RPS6KA5: variants seen among roughly 807,000 people sequenced by gnomAD.
RPS6KA5 encodes ribosomal protein S6 kinase alpha-5.
A neutral mutation model predicts 85.5 loss-of-function variants in RPS6KA5; 27 were observed. That is an observed-to-expected ratio of 0.32 (90% confidence interval 0.23 to 0.44). The LOEUF is 0.44. Ranked by LOEUF, RPS6KA5 falls within the 20% of genes least tolerant of loss-of-function variation. The pLI, the probability that RPS6KA5 is intolerant of heterozygous loss-of-function variation, is 1.00. For missense variants in RPS6KA5, 811 were observed against 980.9 expected (o/e 0.83, Z 2.31); for synonymous variants, 334 against 348.2 (o/e 0.96, Z 0.46).
At chr14:91,005,724 A>G (rs2040989887) in intron 1 of RPS6KA5, among the ~76,000 whole-genome samples, 1 of 152,262 alleles carries the variant, frequency 6.6e-6, no homozygotes, top group East Asian at 1.9e-4. Flanking sequence ...AAGTCTAAAA[A>G]TAAATCACAT....
rs115966932 is a variant in RPS6KA5 at position 90,987,744 on chromosome 14, G to A, written c.176-9220C>T. Among the ~76,000 whole-genome samples, 628 of 152,102 alleles carry A rather than the reference G, an allele frequency of 4.1e-3. 2 individuals carry two copies. The highest frequency in any genetic ancestry group is 0.015 in the African/African-American group (605 of 41,494). ...ACAACAACAAAGGATATCCACATAA[G>A]GAAAAAGTGAACTTCTTAAAGAGGA... On this transcript the variant is annotated intron_variant, in intron 2 of 16. Coordinates refer to ENST00000614987, the MANE Select transcript of RPS6KA5 (RefSeq NM_004755.4).
chr14:90,911,763 T>A (rs1739229078), intron 7 of RPS6KA5, among the ~76,000 whole-genome samples: 1 of 152,124 alleles, frequency 6.6e-6, no homozygotes, highest in South Asian at 2.1e-4. Context: ...ATTATACAAG[T>A]AAAAAAGAAT....
At chr14:90,931,597 A>G (rs1009633861) in intron 5 of RPS6KA5, among the ~76,000 whole-genome samples, 1 of 152,198 alleles carries the variant, frequency 6.6e-6, no homozygotes, top group Non-Finnish European at 1.5e-5. Context: ...ATTGGATATT[A>G]AAATGTTAAA....
At chr14:91,021,428 C>A (rs1467099168) in intron 1 of RPS6KA5, among the ~76,000 whole-genome samples, 1 of 152,042 alleles carries the variant, frequency 6.6e-6, no homozygotes, top group Non-Finnish European at 1.5e-5. Context: ...ATTGCTTGAG[C>A]CCAGGAGTTC....
chr14:90,942,149 G>C (rs906176373), intron 5 of RPS6KA5, among the ~76,000 whole-genome samples: 1 of 152,080 alleles, frequency 6.6e-6, no homozygotes, highest in Non-Finnish European at 1.5e-5. Flanking sequence ...AATGAATATA[G>C]ATGCGATTAA....
intron 6 of RPS6KA5, 125 bp from the exon 7 acceptor site, chr14:90,920,434 T>C: frequency 1.5e-6 from 1 of 652,914 alleles, no homozygotes; most frequent in Non-Finnish European, 2.7e-6. Context: ...CACCTCCTTC[T>C]ATGTAAGGAG....
intron 13 of RPS6KA5, among the ~76,000 whole-genome samples, chr14:90,892,293 C>T (rs956123515): frequency 2.6e-5 from 4 of 152,104 alleles, no homozygotes; most frequent in South Asian, 2.1e-4. Flanking sequence ...TGAGCCACTG[C>T]GCTCGGCCAG....
intron 3 of RPS6KA5, among the ~76,000 whole-genome samples, chr14:90,976,868 G>T (rs977857449): frequency 6.6e-6 from 1 of 152,010 alleles, no homozygotes; most frequent in Admixed American, 6.6e-5. Context: ...GCAATCTTAG[G>T]TATCATTAAT....
At chr14:90,993,804 T>C (rs1434682566) in intron 2 of RPS6KA5, among the ~76,000 whole-genome samples, 1 of 152,246 alleles carries the variant, frequency 6.6e-6, no homozygotes, top group Non-Finnish European at 1.5e-5. Flanking sequence ...TTTAATCCTG[T>C]AAACTCCCAG....
intron 3 of RPS6KA5, among the ~76,000 whole-genome samples, chr14:90,955,714 C>A (rs940685985): frequency 3.9e-5 from 6 of 152,104 alleles, no homozygotes; most frequent in Non-Finnish European, 7.4e-5. Context: ...CCTGCAATTA[C>A]TATTTAGAGT....
In RPS6KA5 at chr14:90,862,070, C is replaced by T. The variant is rs1430610528; in HGVS notation, c.*10004G>A. The T allele has an allele frequency of 6.6e-6, 1 of 151,660 alleles. No homozygotes were observed. Among genetic ancestry groups the T allele is most frequent in the Non-Finnish European group, 1.5e-5 (1 of 67,934 alleles). 9.4% of individuals were successfully genotyped at this position (151,660 alleles called of 1,614,324 possible). On this transcript the variant is annotated 3_prime_UTR_variant, in exon 17 of 17. Coordinates refer to ENST00000614987, the MANE Select transcript of RPS6KA5 (RefSeq NM_004755.4). Reference sequence around the variant, plus strand: ...AACTAACATAGGAGGAAACAATGGACAAAAGAAAATATTTGGTTTATCAAA... The same window carrying T: ...AACTAACATAGGAGGAAACAATGGATAAAAGAAAATATTTGGTTTATCAAA...
intron 12 of RPS6KA5, among the ~76,000 whole-genome samples, chr14:90,896,822 C>T (rs546986275): frequency 1.1e-4 from 16 of 152,128 alleles, no homozygotes; most frequent in African/African-American, 2.2e-4. Context: ...CCAAGTTCAA[C>T]GGATTATCCC....
chr14:90,930,685 C>T (rs1293254417), intron 5 of RPS6KA5, among the ~76,000 whole-genome samples: 1 of 152,032 alleles, frequency 6.6e-6, no homozygotes, highest in East Asian at 1.9e-4. Context: ...CTAAAAACAA[C>T]AAAACCCACA....
At chr14:91,008,810 A>T (rs941690920) in intron 1 of RPS6KA5, among the ~76,000 whole-genome samples, 1 of 152,238 alleles carries the variant, frequency 6.6e-6, no homozygotes, top group Admixed American at 6.5e-5. Flanking sequence ...TCTTCACTAC[A>T]TAAAAGTAAT....
At chr14:90,942,921 G>A (rs1004898529) in intron 5 of RPS6KA5, among the ~76,000 whole-genome samples, 157 bp downstream of exon 5, 2 of 152,052 alleles carry the variant, frequency 1.3e-5, no homozygotes, top group Non-Finnish European at 2.9e-5. Context: ...GGCTCCATAC[G>A]AATTTTAAAC....
At chr14:90,955,994 CA>C (rs2038487059) in intron 3 of RPS6KA5, among the ~76,000 whole-genome samples, 1 of 152,046 alleles carries the variant, frequency 6.6e-6, no homozygotes, top group African/African-American at 2.4e-5. Context: ...AGAAATGTAA[CA>C]ATACAACCAT....
chr14:91,030,307 G>A (rs1164190673), intron 1 of RPS6KA5, among the ~76,000 whole-genome samples: 1 of 152,112 alleles, frequency 6.6e-6, no homozygotes, highest in Non-Finnish European at 1.5e-5. Flanking sequence ...CAAGGATGAG[G>A]TAAGAACGGA....
At chr14:91,000,559 G>A (rs1265401719) in intron 2 of RPS6KA5, among the ~76,000 whole-genome samples, 2 of 152,152 alleles carry the variant, frequency 1.3e-5, no homozygotes, top group Non-Finnish European at 2.9e-5. Flanking sequence ...CCCTCTGGGA[G>A]GCAGAAGAGG....
intron 5 of RPS6KA5, among the ~76,000 whole-genome samples, chr14:90,940,936 G>A (rs567318985): frequency 6.9e-4 from 105 of 152,228 alleles, no homozygotes; most frequent in African/African-American, 2.3e-3. Flanking sequence ...ACCATACCCC[G>A]ACCCTCGTCT....
Sources: allele counts gnomAD v4.1 joint callset (sites outside exome capture counted in the v4.1 genomes callset), GRCh38; gene constraint gnomAD v4.1.1; transcripts MANE v1.5; gene names NCBI Gene and HGNC (gene_info 2026-07-23, HGNC 2026-07-21).